Variants in PSD3 observed in about 807,000 individuals in gnomAD.
PSD3 encodes pleckstrin and Sec7 domain containing 3, also known as PH and SEC7 domain-containing protein 3.
A neutral mutation model predicts 105.5 loss-of-function variants in PSD3; 49 were observed. That is an observed-to-expected ratio of 0.46 (90% CI 0.37 to 0.59). PSD3 has a LOEUF of 0.59. PSD3 is among the 20% of genes least tolerant of loss of function. PSD3 has a pLI of 0.00. For synonymous variants in PSD3, 557 were observed against 457.8 expected (o/e 1.22, Z -2.77); for missense variants, 1,561 against 1,263.8 (o/e 1.24, Z -3.57).
At chr8:18,732,102 G>A (rs1249114277) in intron 9 of PSD3, among the ~76,000 whole-genome samples, 1 of 151,792 alleles carries the variant, frequency 6.6e-6, no homozygotes, top group Non-Finnish European at 1.5e-5. Flanking sequence ...GTCCCCCTAG[G>A]AGCATTTCAG....
At chr8:18,754,508 C>G (rs1805865322) in intron 9 of PSD3, among the ~76,000 whole-genome samples, 1 of 152,098 alleles carries the variant, frequency 6.6e-6, no homozygotes, top group Non-Finnish European at 1.5e-5. Flanking sequence ...GAACAGCTGG[C>G]TCGGTGATAG....
At chr8:18,954,630 G>A (rs1823448416) in intron 1 of PSD3, among the ~76,000 whole-genome samples, 1 of 152,264 alleles carries the variant, frequency 6.6e-6, no homozygotes, top group East Asian at 1.9e-4. Flanking sequence ...TTTCAGTGGT[G>A]GAGGGGATGC....
chr8:18,661,301 C>T (rs1809332010), intron 9 of PSD3, among the ~76,000 whole-genome samples: 1 of 152,130 alleles, frequency 6.6e-6, no homozygotes, highest in Admixed American at 6.5e-5. Flanking sequence ...ACCATCCGTA[C>T]CACAATTCTC....
chr8:18,874,207 G>C (rs891775123), intron 2 of PSD3, among the ~76,000 whole-genome samples: 1 of 151,716 alleles, frequency 6.6e-6, no homozygotes, highest in Non-Finnish European at 1.5e-5. Context: ...CTGTTTCCAG[G>C]CTGGAGTGTA....
At chr8:19,036,672 C>T (rs887146016) in intron 1 of PSD3, among the ~76,000 whole-genome samples, 3 of 152,094 alleles carry the variant, frequency 2.0e-5, no homozygotes, top group Non-Finnish European at 2.9e-5. Flanking sequence ...CTTATCCATG[C>T]GTAAACTGAG....
intron 12 of PSD3, among the ~76,000 whole-genome samples, chr8:18,598,745 T>G (rs1804223583): frequency 6.6e-6 from 1 of 152,056 alleles, no homozygotes; most frequent in South Asian, 2.1e-4. Flanking sequence ...TTCTATATGC[T>G]AACAATGAAC....
intron 1 of PSD3, among the ~76,000 whole-genome samples, chr8:19,055,380 C>A (rs1050178693): frequency 6.6e-6 from 1 of 152,146 alleles, no homozygotes; most frequent in Non-Finnish European, 1.5e-5. Context: ...CAGCCTCCCA[C>A]GTAGCTGGGG....
chr8:18,838,064 T>A (rs1253643575), intron 4 of PSD3, among the ~76,000 whole-genome samples: 1 of 152,220 alleles, frequency 6.6e-6, no homozygotes, highest in East Asian at 1.9e-4. Context: ...ATGAAAGGTT[T>A]TAAGTTATCT....
At chr8:18,926,063 C>T (rs1456435300) in intron 2 of PSD3, among the ~76,000 whole-genome samples, 1 of 151,464 alleles carries the variant, frequency 6.6e-6, no homozygotes, top group African/African-American at 2.4e-5. Flanking sequence ...TACTGTACTG[C>T]TTAGCTATCC....
At chr8:18,634,468 G>T (rs539090789) in intron 10 of PSD3, among the ~76,000 whole-genome samples, 138 of 151,986 alleles carry the variant, frequency 9.1e-4, no homozygotes, top group Middle Eastern at 3.4e-3. Context: ...AAAAATTAAC[G>T]TAAGTTTAAT....
At chr8:18,684,463 A>G (rs1210022162) in intron 9 of PSD3, among the ~76,000 whole-genome samples, 4 of 152,182 alleles carry the variant, frequency 2.6e-5, no homozygotes, top group Non-Finnish European at 5.9e-5. Context: ...AAGGAAGAAA[A>G]AAAATATGGA....
chr8:18,691,615 C>G (rs1280865861), intron 9 of PSD3, among the ~76,000 whole-genome samples: 2 of 152,206 alleles, frequency 1.3e-5, no homozygotes, highest in Non-Finnish European at 2.9e-5. Flanking sequence ...GCTGTTCATC[C>G]AGATGAGTAA....
intron 4 of PSD3, among the ~76,000 whole-genome samples, chr8:18,806,558 T>A (rs1021913880): frequency 6.6e-6 from 1 of 152,234 alleles, no homozygotes; most frequent in Non-Finnish European, 1.5e-5. Context: ...CCACAGATGC[T>A]AAACCAAGGG....
At chr8:19,082,850 G>T (rs1477499837) in intron 1 of PSD3, among the ~76,000 whole-genome samples, 2 of 152,222 alleles carry the variant, frequency 1.3e-5, no homozygotes, top group African/African-American at 4.8e-5. Context: ...CAAGAATTAG[G>T]ATGGAATGTG....
intron 11 of PSD3, among the ~76,000 whole-genome samples, chr8:18,603,151 GC>G (rs1478829041): frequency 2.0e-5 from 3 of 152,166 alleles, no homozygotes; most frequent in Admixed American, 6.5e-5. Context: ...TTACATGTGA[GC>G]CCATCTTTTC....
In PSD3 at chr8:18,795,973, T is replaced by A. The variant is rs1810141323; in HGVS notation, c.2082+3322A>T. On this transcript the variant is annotated intron_variant, in intron 8 of 15. Coordinates refer to ENST00000327040, the MANE Select transcript of PSD3 (RefSeq NM_015310.4). ...TATCTGTATGTGTAGAAGTTTAATT[T>A]ACATAAGTATTTTGTAGATAAAGAG... Among the ~76,000 whole-genome samples, 4 of 152,206 alleles carry A rather than the reference T, an allele frequency of 2.6e-5. No individual in the cohort carries two copies. The South Asian group carries it at 8.3e-4, about 31-fold the overall frequency.
chr8:18,808,749 A>C, intron 4 of PSD3: 1 of 1,614,056 alleles, frequency 6.2e-7, no homozygotes. Context: ...GGCAATATAA[A>C]CTTACCAGCA....
chr8:19,003,243 C>A (rs1003380774), intron 1 of PSD3, among the ~76,000 whole-genome samples: 3 of 151,932 alleles, frequency 2.0e-5, no homozygotes, highest in Non-Finnish European at 4.4e-5. Context: ...TACAATGGCA[C>A]CCCTGTAGTT....
At chr8:18,950,643 G>A (rs1040416011) in intron 1 of PSD3, among the ~76,000 whole-genome samples, 9 of 152,042 alleles carry the variant, frequency 5.9e-5, no homozygotes, top group African/African-American at 2.2e-4. Flanking sequence ...GCCCTTTTAT[G>A]CCCAGCTTAT....
Sources: allele counts gnomAD v4.1 joint callset (sites outside exome capture counted in the v4.1 genomes callset), GRCh38; gene constraint gnomAD v4.1.1; transcripts MANE v1.5; gene names NCBI Gene and HGNC (gene_info 2026-07-23, HGNC 2026-07-21).